Variants in DCLK1 observed in about 807,000 individuals in gnomAD.
The protein encoded by DCLK1 is serine/threonine-protein kinase DCLK1.
In DCLK1, 16 loss-of-function variants were observed where a neutral mutation model predicts 86.2. The observed-to-expected ratio is 0.19, with a 90% confidence interval of 0.13 to 0.28. DCLK1 has a LOEUF of 0.28. Among genes scored for constraint, DCLK1 ranks in the 10% least tolerant of loss-of-function variants. The probability of loss-of-function intolerance (pLI) is 1.00; values close to 1 mark genes in which losing one functional copy is unlikely to be tolerated. For synonymous variants in DCLK1, 369 were observed against 370.5 expected, an observed-to-expected ratio of 1.00 and a Z score of 0.05; for missense variants, 590 against 940.2, an observed-to-expected ratio of 0.63 and a Z score of 4.87.
chr13:35,918,892 G>GTGTTTTTTTTTTTTTT (rs780502143), intron 4 of DCLK1, among the ~76,000 whole-genome samples: 16 of 76,310 alleles, frequency 2.1e-4, no homozygotes, highest in South Asian at 1.2e-3. Flanking sequence ...TTCTGAGTGT[G>GTGTTTTTTTTTTTTTT]TTTTTTTTTT....
chr13:35,839,049 C>G, intron 7 of DCLK1, 43 bp downstream of exon 7: 1 of 1,547,388 alleles, frequency 6.5e-7, no homozygotes, highest in African/African-American at 1.4e-5. Context: ...ATTTAGCCAA[C>G]CCATCCTCTG....
At chr13:36,124,430 A>G (rs1022651828) in intron 2 of DCLK1, among the ~76,000 whole-genome samples, 2 of 152,246 alleles carry the variant, frequency 1.3e-5, no homozygotes, top group African/African-American at 2.4e-5. Context: ...CAAAATAAAC[A>G]CAGGCTCCTC....
chr13:36,057,759 G>T (rs538046684), intron 3 of DCLK1, among the ~76,000 whole-genome samples: 1 of 152,158 alleles, frequency 6.6e-6, no homozygotes, highest in African/African-American at 2.4e-5. Flanking sequence ...AAACATGGGG[G>T]TGTAGAGAGA....
chr13:36,030,359 C>T (rs574382887), intron 3 of DCLK1, among the ~76,000 whole-genome samples: 24 of 151,972 alleles, frequency 1.6e-4, no homozygotes, highest in Non-Finnish European at 2.9e-4. Context: ...TGCAGTGGCA[C>T]GATCTTGGCT....
intron 4 of DCLK1, among the ~76,000 whole-genome samples, chr13:35,900,633 C>G (rs1296061676): frequency 6.6e-6 from 1 of 152,152 alleles, no homozygotes; most frequent in Admixed American, 6.6e-5. Flanking sequence ...GTTTCTCAAC[C>G]TTTGCACTAT....
chr13:35,925,461 G>A (rs571249607), intron 4 of DCLK1, among the ~76,000 whole-genome samples: 79 of 152,322 alleles, frequency 5.2e-4, no homozygotes, highest in African/African-American at 1.8e-3. Context: ...CTGCAGAAAC[G>A]ATGCCATATA....
intron 6 of DCLK1, among the ~76,000 whole-genome samples, chr13:35,853,409 G>C (rs1212548556): frequency 1.3e-5 from 2 of 152,164 alleles, no homozygotes; most frequent in Non-Finnish European, 2.9e-5. Context: ...GATGCCAGGT[G>C]AATCAGTGAA....
chr13:35,926,613 T>C lies in DCLK1; in HGVS notation c.823+20745A>G, dbSNP rs138472096. ...TGTTAAATAGTTCACACTAAAGATC[T>C]CAAATTTGCTCCATTTTAATCAAGA... On this transcript the variant is annotated intron_variant, in intron 4 of 16. Coordinates refer to ENST00000360631, the MANE Select transcript of DCLK1 (RefSeq NM_001330071.2). 9.7e-4 allele frequency among the ~76,000 whole-genome samples: 147 copies of C among 152,328 alleles called. 1 individual carries two copies. Among genetic ancestry groups the C allele is most frequent in the African/African-American group, 3.2e-3 (134 of 41,578 alleles).
At chr13:35,972,271 A>T (rs1475542352) in intron 3 of DCLK1, among the ~76,000 whole-genome samples, 1 of 148,798 alleles carries the variant, frequency 6.7e-6, no homozygotes, top group South Asian at 2.1e-4. Flanking sequence ...GGTAGCCTTT[A>T]TTTTTTTTTT....
chr13:36,036,621 A>G (rs144066827), intron 3 of DCLK1, among the ~76,000 whole-genome samples: 1 of 152,298 alleles, frequency 6.6e-6, no homozygotes, highest in African/African-American at 2.4e-5. Context: ...ATGTGTAGGT[A>G]TAAGATCATA....
intron 3 of DCLK1, among the ~76,000 whole-genome samples, chr13:35,959,822 T>A (rs1878354200): frequency 6.6e-6 from 1 of 151,282 alleles, no homozygotes; most frequent in Non-Finnish European, 1.5e-5. Flanking sequence ...CTCCTAGAAA[T>A]TAGAGCTCAT....
chr13:35,779,728 C>T (rs1313183219), intron 16 of DCLK1, among the ~76,000 whole-genome samples: 1 of 152,142 alleles, frequency 6.6e-6, no homozygotes, highest in Admixed American at 6.5e-5. Flanking sequence ...TTCACTCATC[C>T]TACAAGCATT....
chr13:36,014,314 G>A (rs1276088374), intron 3 of DCLK1, among the ~76,000 whole-genome samples: 2 of 152,146 alleles, frequency 1.3e-5, no homozygotes, highest in Non-Finnish European at 2.9e-5. Flanking sequence ...CTTAATTCTT[G>A]CCATTGGAAA....
chr13:35,867,909 A>AAAAGAAAGAAGG (rs1555345721), intron 5 of DCLK1, among the ~76,000 whole-genome samples: 5 of 102,374 alleles, frequency 4.9e-5, no homozygotes, highest in African/African-American at 2.0e-4. Flanking sequence ...GAAAGAAAGA[A>AAAAGAAAGAAGG]AAAGAAAGAA....
At chr13:35,810,229 G>T (rs530138029) in intron 12 of DCLK1, among the ~76,000 whole-genome samples, 1 of 152,164 alleles carries the variant, frequency 6.6e-6, no homozygotes, top group African/African-American at 2.4e-5. Context: ...TCAAACCATC[G>T]ACTGGAAGAG....
intron 4 of DCLK1, among the ~76,000 whole-genome samples, chr13:35,911,972 A>G (rs974621314): frequency 9.2e-5 from 14 of 152,160 alleles, no homozygotes; most frequent in African/African-American, 2.9e-4. Context: ...GAGGTAGCTC[A>G]TCTCTCCAAC....
At chr13:35,817,955 T>C (rs1444056173) in intron 11 of DCLK1, among the ~76,000 whole-genome samples, 1 of 152,194 alleles carries the variant, frequency 6.6e-6, no homozygotes, top group Non-Finnish European at 1.5e-5. Context: ...TTATCTCTTG[T>C]TTAATTTCTT....
chr13:36,073,137 CA>C (rs1165016066), intron 3 of DCLK1, among the ~76,000 whole-genome samples: 1 of 152,182 alleles, frequency 6.6e-6, no homozygotes, highest in Admixed American at 6.5e-5. Flanking sequence ...TCGTATAATT[CA>C]ATGATTTTTA....
intron 4 of DCLK1, among the ~76,000 whole-genome samples, chr13:35,926,122 G>A (rs1398629546): frequency 2.6e-5 from 4 of 151,216 alleles, no homozygotes; most frequent in African/African-American, 2.4e-5. Context: ...GCAGTGGCAC[G>A]ATCTTGGCTC....
Sources: gnomAD v4.1 joint callset for allele counts (sites outside exome capture counted in the v4.1 genomes callset) on GRCh38, gnomAD v4.1.1 for gene constraint, MANE v1.5 for transcripts, NCBI Gene and HGNC (gene_info 2026-07-23, HGNC 2026-07-21) for gene names.